The following CTTNBP2 variants were observed in gnomAD, a reference collection of about 807,000 sequenced individuals.
CTTNBP2 encodes the protein cortactin binding protein 2.
A neutral mutation model predicts 156.9 loss-of-function variants in CTTNBP2; 108 were observed. The ratio of observed to expected loss-of-function variants is 0.69; its 90% CI spans 0.59 to 0.81. The LOEUF (loss-of-function observed/expected upper bound fraction) is 0.81. CTTNBP2 is among the 30% of genes least tolerant of loss of function. The pLI, the probability that CTTNBP2 is intolerant of heterozygous loss-of-function variation, is 0.00. For missense variants in CTTNBP2, 1,924 were observed against 2,035.4 expected, an observed-to-expected ratio of 0.95 and a Z score of 1.05; for synonymous variants, 767 against 751.8, an observed-to-expected ratio of 1.02 and a Z score of -0.33.
At chr7:117,775,362 G>A (rs535450879) in intron 8 of CTTNBP2, among the ~76,000 whole-genome samples, 1 of 152,122 alleles carries the variant, frequency 6.6e-6, no homozygotes, top group African/African-American at 2.4e-5. Flanking sequence ...TGCCAGAGGT[G>A]TGGAAATCAA....
intron 11 of CTTNBP2, among the ~76,000 whole-genome samples, chr7:117,757,077 C>T (rs761315725): frequency 4.4e-4 from 67 of 152,332 alleles, no homozygotes; most frequent in Non-Finnish European, 8.2e-4. Context: ...CCACCCCTCC[C>T]CCCAAGTTCT....
At chr7:117,834,892 C>T (rs1438432049) in intron 2 of CTTNBP2, among the ~76,000 whole-genome samples, 1 of 152,180 alleles carries the variant, frequency 6.6e-6, no homozygotes, top group Non-Finnish European at 1.5e-5. Context: ...TTTACTTACT[C>T]AAAACAAAAT....
chr7:117,773,304 C>T (rs1046923378), intron 8 of CTTNBP2, among the ~76,000 whole-genome samples: 2 of 152,190 alleles, frequency 1.3e-5, no homozygotes, highest in African/African-American at 4.8e-5. Flanking sequence ...ATGGATACCT[C>T]CTGGAGGACC....
intron 2 of CTTNBP2, among the ~76,000 whole-genome samples, chr7:117,855,504 C>T (rs975155709): frequency 1.6e-4 from 24 of 152,164 alleles, no homozygotes; most frequent in African/African-American, 5.3e-4. Flanking sequence ...AATTTGGTCC[C>T]CCATGGAGAG....
At chr7:117,738,147 C>A (rs941360256) in intron 14 of CTTNBP2, among the ~76,000 whole-genome samples, 1 of 152,150 alleles carries the variant, frequency 6.6e-6, no homozygotes, top group Non-Finnish European at 1.5e-5. Flanking sequence ...GGACCCATCC[C>A]CAGTGATTCT....
At chr7:117,718,505 T>C (rs35698185) in intron 21 of CTTNBP2, among the ~76,000 whole-genome samples, 4 of 152,226 alleles carry the variant, frequency 2.6e-5, no homozygotes, top group African/African-American at 7.2e-5. Flanking sequence ...TACTTTGTCG[T>C]AGATATTATG....
At chr7:117,870,360 C>A (rs1044719707) in intron 1 of CTTNBP2, among the ~76,000 whole-genome samples, 3 of 152,178 alleles carry the variant, frequency 2.0e-5, no homozygotes, top group Non-Finnish European at 4.4e-5. Flanking sequence ...TTTAAAAAAA[C>A]GCTTAGCGCA....
chr7:117,717,769 C>T (rs906993575), intron 22 of CTTNBP2, among the ~76,000 whole-genome samples: 12 of 150,982 alleles, frequency 7.9e-5, no homozygotes, highest in East Asian at 1.9e-4. Flanking sequence ...ATGGAGATCT[C>T]AACAGACACC....
chr7:117,858,497 A>G (rs1803488400), intron 2 of CTTNBP2, among the ~76,000 whole-genome samples: 1 of 152,248 alleles, frequency 6.6e-6, no homozygotes, highest in Admixed American at 6.5e-5. Flanking sequence ...TCAATAAGTC[A>G]GAAGTCTCCA....
chr7:117,863,008 C>T (rs1050778674), intron 1 of CTTNBP2, among the ~76,000 whole-genome samples: 1 of 152,218 alleles, frequency 6.6e-6, no homozygotes, highest in Non-Finnish European at 1.5e-5. Flanking sequence ...AGTCAGCCAA[C>T]ATGAACACTG....
chr7:117,744,801 G>A (rs1293309525), intron 14 of CTTNBP2, among the ~76,000 whole-genome samples: 1 of 152,186 alleles, frequency 6.6e-6, no homozygotes, highest in Admixed American at 6.5e-5. Flanking sequence ...GGAGGCTGAG[G>A]TGGAAGGTTA....
chr7:117,855,848 A>G (rs748934395), intron 2 of CTTNBP2, among the ~76,000 whole-genome samples: 2 of 152,240 alleles, frequency 1.3e-5, no homozygotes, highest in African/African-American at 2.4e-5. Flanking sequence ...TTTTAAATAT[A>G]TAAAGCCAAG....
chr7:117,804,837 G>T (rs537658774), intron 3 of CTTNBP2, among the ~76,000 whole-genome samples: 1 of 152,250 alleles, frequency 6.6e-6, no homozygotes, highest in African/African-American at 2.4e-5. Context: ...CTATGTGATG[G>T]GTTGACAGGT....
rs545887824 is a variant in CTTNBP2, at chr7:117,729,823, G to A, written c.3877-1556C>T. ...AAAAGAAGAACTGACTAAATACAGC[G>A]TGGTCAAGAAAGACAAATAGATGAG... On this transcript the variant is annotated intron_variant, in intron 16 of 22. Transcript: ENST00000160373. Among the ~76,000 whole-genome samples, 8 of 152,246 alleles carry A rather than the reference G, an allele frequency of 5.3e-5. No individual in the cohort carries two copies. The East Asian group carries it at 1.4e-3, about 26-fold the overall frequency.
chr7:117,726,528 A>G (rs968563936), intron 17 of CTTNBP2, among the ~76,000 whole-genome samples: 2 of 152,208 alleles, frequency 1.3e-5, no homozygotes, highest in African/African-American at 2.4e-5. Flanking sequence ...ATTGGTAGAC[A>G]ATTCTCTGCA....
chr7:117,791,677 G>A lies in CTTNBP2; in HGVS notation c.1519C>T (p.Pro507Ser). ...SRFTSPQAGAPSRPGVPPTGD... is the reference protein window; with the variant it reads ...SRFTSPQAGASSRPGVPPTGD... ...GTTGGGGGCACTCCAGGCCTTGAGG[G>A]AGCACCTGCTTGAGGGCTTGTAAAT... Residue 507 changes from proline to serine, a missense_variant, in exon 4 of 23, where the codon CCC becomes TCC. Transcript: ENST00000160373. The A allele has an allele frequency of 1.2e-6, 2 of 1,614,198 alleles. No individual in the cohort carries two copies. The highest frequency in any genetic ancestry group is 2.2e-5 in the South Asian group (2 of 91,078).
chr7:117,824,769 T>C (rs761948325), intron 2 of CTTNBP2, among the ~76,000 whole-genome samples: 4 of 152,236 alleles, frequency 2.6e-5, no homozygotes, highest in Non-Finnish European at 5.9e-5. Flanking sequence ...TCTGGCTTCC[T>C]TCACTTCAAC....
intron 12 of CTTNBP2, among the ~76,000 whole-genome samples, chr7:117,747,973 T>G (rs1192490901): frequency 6.6e-6 from 1 of 152,122 alleles, no homozygotes; most frequent in Non-Finnish European, 1.5e-5. Flanking sequence ...TCATGTCTGG[T>G]AGCCTCCCGT....
intron 12 of CTTNBP2, among the ~76,000 whole-genome samples, chr7:117,753,351 TC>T (rs1432103800): frequency 6.6e-6 from 1 of 152,218 alleles, no homozygotes; most frequent in Non-Finnish European, 1.5e-5. Flanking sequence ...TGGCGACTCC[TC>T]ATTTCTTTCT....
Sources: allele counts gnomAD v4.1 joint callset (sites outside exome capture counted in the v4.1 genomes callset), GRCh38; gene constraint gnomAD v4.1.1; transcripts MANE v1.5; gene names NCBI Gene and HGNC (gene_info 2026-07-23, HGNC 2026-07-21).